CCDC91: variants seen among roughly 807,000 people sequenced by gnomAD.
The protein encoded by CCDC91 is coiled-coil domain containing 91.
In CCDC91, 48 loss-of-function variants were observed where a neutral mutation model predicts 63.2. The ratio of observed to expected loss-of-function variants is 0.76; its 90% CI spans 0.60 to 0.97. CCDC91 has a LOEUF of 0.97. CCDC91 is among the 50% of genes least tolerant of loss of function. The pLI, the probability that CCDC91 is intolerant of heterozygous loss-of-function variation, is 0.00. For missense variants in CCDC91, 500 were observed against 494.6 expected, an observed-to-expected ratio of 1.01 and a Z score of -0.10; for synonymous variants, 167 against 165.8, an observed-to-expected ratio of 1.01 and a Z score of -0.06.
chr12:28,303,002 G>A (rs1938245246), intron 3 of CCDC91, among the ~76,000 whole-genome samples: 1 of 152,082 alleles, frequency 6.6e-6, no homozygotes, highest in Non-Finnish European at 1.5e-5. Flanking sequence ...GCCTGAAAAG[G>A]AATCAAGGAA....
intron 8 of CCDC91, among the ~76,000 whole-genome samples, chr12:28,448,898 T>A (rs1433448984): frequency 2.6e-5 from 4 of 152,104 alleles, no homozygotes; most frequent in African/African-American, 9.6e-5. Context: ...CCTATGAAAT[T>A]CTGCGTGCAT....
chr12:28,381,976 A>G (rs1049007158), intron 7 of CCDC91, among the ~76,000 whole-genome samples: 1 of 152,050 alleles, frequency 6.6e-6, no homozygotes, highest in Admixed American at 6.6e-5. Context: ...AAACTGATGG[A>G]TTTTAAATAT....
intron 1 of CCDC91, among the ~76,000 whole-genome samples, chr12:28,210,298 C>T (rs536723064): frequency 6.6e-6 from 1 of 152,114 alleles, no homozygotes; most frequent in Admixed American, 6.5e-5. Flanking sequence ...GTTTTATTTC[C>T]CAAAGATTAC....
At chr12:28,204,312 A>G (rs1942685121) in intron 1 of CCDC91, among the ~76,000 whole-genome samples, 1 of 152,172 alleles carries the variant, frequency 6.6e-6, no homozygotes, top group African/African-American at 2.4e-5. Flanking sequence ...TGCATGAGGA[A>G]GACATTAATG....
chr12:28,549,014 C>A (rs761476852), intron 12 of CCDC91, 49 bp from the exon 13 acceptor site: 42 of 1,256,592 alleles, frequency 3.3e-5, no homozygotes, highest in Non-Finnish European at 4.9e-5. Context: ...TATCCTTCAA[C>A]TCAGTATTTT....
intron 12 of CCDC91, among the ~76,000 whole-genome samples, chr12:28,533,911 T>A (rs1941945624): frequency 6.6e-6 from 1 of 152,152 alleles, no homozygotes; most frequent in Non-Finnish European, 1.5e-5. Context: ...TTGATTCTAA[T>A]CAAATGTTTT....
intron 7 of CCDC91, among the ~76,000 whole-genome samples, chr12:28,371,681 G>T (rs1330180028): frequency 6.6e-6 from 1 of 152,102 alleles, no homozygotes. Flanking sequence ...CATACCAGTG[G>T]GTTCTGCATC....
At chr12:28,230,706 C>T (rs1041332516) in intron 1 of CCDC91, among the ~76,000 whole-genome samples, 2 of 152,068 alleles carry the variant, frequency 1.3e-5, no homozygotes, top group Non-Finnish European at 2.9e-5. Flanking sequence ...CTCACTGCAG[C>T]CTCCACCTTC....
chr12:28,362,171 A>G (rs971648767), intron 6 of CCDC91, among the ~76,000 whole-genome samples: 5 of 151,974 alleles, frequency 3.3e-5, no homozygotes, highest in African/African-American at 7.2e-5. Flanking sequence ...CCCAAGGGAA[A>G]GTACCTTTGC....
intron 1 of CCDC91, among the ~76,000 whole-genome samples, chr12:28,200,558 C>T (rs1294338351): frequency 1.4e-5 from 2 of 146,692 alleles, no homozygotes; most frequent in Admixed American, 6.8e-5. Flanking sequence ...CCATTTAACC[C>T]TGAGTGGACA....
At chr12:28,199,774 C>T (rs1485227060) in intron 1 of CCDC91, among the ~76,000 whole-genome samples, 1 of 152,204 alleles carries the variant, frequency 6.6e-6, no homozygotes, top group African/African-American at 2.4e-5. Flanking sequence ...TCCACTGCCT[C>T]TGGCCTCCGT....
chr12:28,192,514 C>G (rs1160268211), intron 1 of CCDC91, among the ~76,000 whole-genome samples: 3 of 152,106 alleles, frequency 2.0e-5, no homozygotes, highest in Admixed American at 6.5e-5. Flanking sequence ...ATCAAATTTT[C>G]TTATTTTCTG....
intron 6 of CCDC91, among the ~76,000 whole-genome samples, chr12:28,308,976 C>T (rs1939033337): frequency 1.3e-5 from 2 of 151,892 alleles, no homozygotes; most frequent in Non-Finnish European, 2.9e-5. Context: ...TATACATTTT[C>T]AAGCTTCTCC....
At chr12:28,427,036 C>A (rs981107836) in intron 8 of CCDC91, among the ~76,000 whole-genome samples, 2 of 152,118 alleles carry the variant, frequency 1.3e-5, no homozygotes, top group Non-Finnish European at 2.9e-5. Flanking sequence ...TCTTTGGCTT[C>A]CCTAAGAACT....
At chr12:28,548,841 TAAC>T (rs1232337769) in intron 12 of CCDC91, among the ~76,000 whole-genome samples, 1 of 152,200 alleles carries the variant, frequency 6.6e-6, no homozygotes, top group African/African-American at 2.4e-5. Flanking sequence ...AATAACTGAG[TAAC>T]AACATCAGTT....
intron 6 of CCDC91, among the ~76,000 whole-genome samples, chr12:28,335,264 T>TATATAATATATAATACATATTATATATA (rs1343946407): frequency 1.1e-3 from 140 of 126,466 alleles, no homozygotes; most frequent in African/African-American, 1.5e-3. Flanking sequence ...ATACATATAA[T>TATATAATATATAATACATATTATATATA]ATATAATATA....
chr12:28,212,883 T>A (rs1355264518), intron 1 of CCDC91, among the ~76,000 whole-genome samples: 1 of 152,204 alleles, frequency 6.6e-6, no homozygotes, highest in Non-Finnish European at 1.5e-5. Flanking sequence ...TTCAAGTACC[T>A]GTACTAGGCA....
intron 3 of CCDC91, among the ~76,000 whole-genome samples, chr12:28,261,646 A>G (rs1946828847): frequency 6.6e-6 from 1 of 152,052 alleles, no homozygotes; most frequent in Admixed American, 6.6e-5. Flanking sequence ...AAGCATGAAC[A>G]GAGTCTCTTT....
intron 3 of CCDC91, among the ~76,000 whole-genome samples, chr12:28,293,022 A>C (rs1269238865): frequency 6.6e-6 from 1 of 152,214 alleles, no homozygotes; most frequent in Non-Finnish European, 1.5e-5. Flanking sequence ...TTTTTCATAG[A>C]TATTTCTATT....
Sources: allele counts gnomAD v4.1 joint callset (sites outside exome capture counted in the v4.1 genomes callset), GRCh38; gene constraint gnomAD v4.1.1; transcripts MANE v1.5; gene names NCBI Gene and HGNC (gene_info 2026-07-23, HGNC 2026-07-21).